The following ARPP21 variants were observed in gnomAD, a reference collection of about 807,000 sequenced individuals.
ARPP21 encodes cAMP-regulated phosphoprotein 21.
Under a neutral mutation model 113.2 loss-of-function variants are expected in ARPP21, and 69 were observed. The observed-to-expected ratio is 0.61, with a 90% confidence interval of 0.50 to 0.74. ARPP21 has a LOEUF of 0.74. Ranked by LOEUF, ARPP21 falls within the 30% of genes least tolerant of loss-of-function variation. The probability of loss-of-function intolerance (pLI) is 0.00; values close to 1 mark genes in which losing one functional copy is unlikely to be tolerated. For missense variants in ARPP21, 1,070 were observed against 1,037.4 expected, an observed-to-expected ratio of 1.03 and a Z score of -0.43; for synonymous variants, 368 against 375.5, an observed-to-expected ratio of 0.98 and a Z score of 0.23.
At chr3:35,639,483 G>T (rs1278874263), upstream of ARPP21, 1 of 151,892 alleles carries the variant, frequency 6.6e-6, no homozygotes, top group Non-Finnish European at 1.5e-5. This position sits in a 1 kb window ranked among gnomAD's most constrained non-coding sequence, Gnocchi z 5.0. Flanking sequence ...GCCCCCGGCG[G>T]CAGTGCCAGC....
chr3:35,717,177 C>T, intron 12 of ARPP21, 121 bp from the exon 13 acceptor site: 1 of 571,562 alleles, frequency 1.7e-6, no homozygotes, highest in Admixed American at 2.7e-5. Flanking sequence ...AATTCAACAT[C>T]ATATAAATAA....
chr3:35,700,413 T>C (rs1319077155), intron 9 of ARPP21, among the ~76,000 whole-genome samples: 2 of 151,710 alleles, frequency 1.3e-5, no homozygotes, highest in African/African-American at 4.8e-5. Flanking sequence ...TAAAATGCAA[T>C]GGTTGTTTTA....
intron 19 of ARPP21, among the ~76,000 whole-genome samples, chr3:35,781,099 G>T (rs1204313983): frequency 1.3e-5 from 2 of 152,064 alleles, no homozygotes; most frequent in African/African-American, 4.8e-5. Context: ...CTGAAGACAG[G>T]GATCCCTCTG....
At chr3:35,785,880 C>A (rs190731908) in intron 19 of ARPP21, among the ~76,000 whole-genome samples, 1 of 152,216 alleles carries the variant, frequency 6.6e-6, no homozygotes, top group East Asian at 1.9e-4. Context: ...TGCACACTCC[C>A]TGCAGGTCAT....
At chr3:35,648,782 T>C (rs1393501073) in intron 1 of ARPP21, among the ~76,000 whole-genome samples, 1 of 152,150 alleles carries the variant, frequency 6.6e-6, no homozygotes, top group African/African-American at 2.4e-5. Flanking sequence ...CATCAGATAA[T>C]TGCATTTTAT....
intron 19 of ARPP21, among the ~76,000 whole-genome samples, chr3:35,780,672 A>T (rs1026941447): frequency 2.0e-5 from 3 of 152,144 alleles, no homozygotes; most frequent in African/African-American, 2.4e-5. Context: ...TGGTACCCAG[A>T]CAAGAAGCAT....
chr3:35,669,781 G>A (rs188229402), intron 1 of ARPP21, among the ~76,000 whole-genome samples: 15 of 152,256 alleles, frequency 9.9e-5, no homozygotes, highest in Admixed American at 5.9e-4. Context: ...ACTATTTTGT[G>A]TGCCCATCAC....
intron 19 of ARPP21, among the ~76,000 whole-genome samples, chr3:35,748,527 G>T (rs2095278466): frequency 6.6e-6 from 1 of 151,880 alleles, no homozygotes; most frequent in Non-Finnish European, 1.5e-5. Context: ...AAAGAGGAAA[G>T]AAAAGCAGTT....
intron 5 of ARPP21, chr3:35,684,036 C>A: frequency 6.3e-7 from 1 of 1,596,374 alleles, no homozygotes; most frequent in South Asian, 1.1e-5. Context: ...CTGAAAACTG[C>A]AAATGGAAAG....
At chr3:35,666,647 T>C (rs936467050) in intron 1 of ARPP21, among the ~76,000 whole-genome samples, 2 of 147,500 alleles carry the variant, frequency 1.4e-5, no homozygotes. Flanking sequence ...TTAAATGTAC[T>C]TCTTCTTAAT....
intron 20 of ARPP21, among the ~76,000 whole-genome samples, chr3:35,793,123 C>T (rs1377540168): frequency 6.6e-6 from 1 of 152,150 alleles, no homozygotes; most frequent in African/African-American, 2.4e-5. Context: ...GTACCAGGTG[C>T]TTCTGACCCT....
At chr3:35,703,078 A>T (rs547665651) in intron 9 of ARPP21, among the ~76,000 whole-genome samples, 1 of 151,952 alleles carries the variant, frequency 6.6e-6, no homozygotes, top group Admixed American at 6.6e-5. Flanking sequence ...ACTTTTCTCT[A>T]TGACTCTACA....
chr3:35,771,486 G>T (rs1258391014), intron 19 of ARPP21, among the ~76,000 whole-genome samples: 1 of 151,980 alleles, frequency 6.6e-6, no homozygotes, highest in Non-Finnish European at 1.5e-5. Context: ...CCATCATCAT[G>T]CCTGGCTAAT....
chr3:35,712,028 G>C (rs1021292151), intron 11 of ARPP21, among the ~76,000 whole-genome samples: 1 of 152,172 alleles, frequency 6.6e-6, no homozygotes, highest in Non-Finnish European at 1.5e-5. Flanking sequence ...CCTGTATAAA[G>C]AGGCTATTAC....
chr3:35,726,430 A>G (rs561436030), intron 14 of ARPP21, among the ~76,000 whole-genome samples: 52 of 152,354 alleles, frequency 3.4e-4, no homozygotes, highest in African/African-American at 1.2e-3. Flanking sequence ...TCCTGGCCAT[A>G]TGTTGATTGC....
At chr3:35,666,186 A>G (rs2074320939) in intron 1 of ARPP21, among the ~76,000 whole-genome samples, 1 of 152,062 alleles carries the variant, frequency 6.6e-6, no homozygotes, top group South Asian at 2.1e-4. Context: ...ATCTAAACCT[A>G]CCAAGCAGAA....
chr3:35,792,192 A>G (rs2096760912), intron 19 of ARPP21, 190 bp from the exon 20 acceptor site: 16 of 606,952 alleles, frequency 2.6e-5, no homozygotes, highest in Admixed American at 1.8e-4. Flanking sequence ...TTTTAAAGCC[A>G]TAATCTTGTT....
intron 19 of ARPP21, among the ~76,000 whole-genome samples, chr3:35,754,061 T>C (rs1309707734): frequency 6.6e-6 from 1 of 151,264 alleles, no homozygotes; most frequent in East Asian, 2.0e-4. Flanking sequence ...TGGCTGGAGA[T>C]GGGGAGAAGG....
At chr3:35,709,222 G>C in intron 11 of ARPP21, 152 bp downstream of exon 11, 1 of 632,006 alleles carries the variant, frequency 1.6e-6, no homozygotes, top group South Asian at 2.1e-5. Context: ...TTTGGAAGAG[G>C]ATCTGGTTCA....
Sources: allele counts gnomAD v4.1 joint callset (sites outside exome capture counted in the v4.1 genomes callset), GRCh38; gene constraint gnomAD v4.1.1; non-coding constraint Gnocchi (gnomAD v3.1); transcripts MANE v1.5; gene names NCBI Gene and HGNC (gene_info 2026-07-23, HGNC 2026-07-21).